The following CMIP variants were observed in gnomAD, a reference collection of about 807,000 sequenced individuals.
CMIP encodes the protein c-Maf inducing protein, also known as C-Maf-inducing protein.
Under a neutral mutation model 97.3 loss-of-function variants are expected in CMIP, and 13 were observed. The observed-to-expected ratio is 0.13, with a 90% CI of 0.09 to 0.21. The LOEUF is 0.21. Ranked by LOEUF, CMIP falls within the 10% of genes least tolerant of loss-of-function variation. CMIP has a pLI of 1.00. For missense variants in CMIP, 847 were observed against 1,024.9 expected, an observed-to-expected ratio of 0.83 and a Z score of 2.37; for synonymous variants, 538 against 436.3, an observed-to-expected ratio of 1.23 and a Z score of -2.91.
rs1012230722 is a variant in CMIP, at chr16:81,654,911, G to A, written c.639+2547G>A. On this transcript the variant is annotated intron_variant, in intron 4 of 20. Coordinates refer to ENST00000537098, the MANE Select transcript of CMIP (RefSeq NM_198390.3). ...GAGTGAGAAACCGTGTTGTAGGGTCGGAAGGACCTTGTCCTGCCCTCAGTA... is the reference window on the plus strand; with the variant it reads ...GAGTGAGAAACCGTGTTGTAGGGTCAGAAGGACCTTGTCCTGCCCTCAGTA... Among the ~76,000 whole-genome samples the A allele has an allele frequency of 3.3e-5, 5 of 152,158 alleles. No individual in the cohort carries two copies. The East Asian group carries it at 5.8e-4, about 18-fold the overall frequency.
chr16:81,679,369 G>A (rs376883319), intron 10 of CMIP, among the ~76,000 whole-genome samples: 9 of 152,106 alleles, frequency 5.9e-5, no homozygotes, highest in African/African-American at 1.9e-4. Flanking sequence ...AACCATTTGT[G>A]CTGTAGGGTT....
intron 1 of CMIP, among the ~76,000 whole-genome samples, chr16:81,445,912 A>G (rs1905806538): frequency 1.3e-5 from 2 of 150,398 alleles, no homozygotes; most frequent in Non-Finnish European, 3.0e-5. Context: ...CCCCTGGCCC[A>G]TCTGGATCTG....
intron 1 of CMIP, among the ~76,000 whole-genome samples, chr16:81,524,123 G>C (rs1208915142): frequency 6.6e-6 from 1 of 152,208 alleles, no homozygotes; most frequent in Non-Finnish European, 1.5e-5. Flanking sequence ...GAGGTGCTAG[G>C]CTTGTCACAG....
intron 1 of CMIP, among the ~76,000 whole-genome samples, chr16:81,569,260 G>T (rs1474457959): frequency 6.6e-6 from 1 of 152,192 alleles, no homozygotes; most frequent in Non-Finnish European, 1.5e-5. Context: ...TATACATACT[G>T]TCTCATTCTG....
intron 1 of CMIP, among the ~76,000 whole-genome samples, chr16:81,511,729 T>C (rs2089814070): frequency 6.6e-6 from 1 of 152,090 alleles, no homozygotes; most frequent in Admixed American, 6.5e-5. Flanking sequence ...CCTGCCTAAT[T>C]TTTTGTATGT....
At chr16:81,541,389 A>G (rs553666056) in intron 1 of CMIP, among the ~76,000 whole-genome samples, 1 of 152,040 alleles carries the variant, frequency 6.6e-6, no homozygotes, top group Non-Finnish European at 1.5e-5. Flanking sequence ...GAGCCGTGTA[A>G]CCTGTAACTT....
At chr16:81,536,052 T>C (rs183807474) in intron 1 of CMIP, among the ~76,000 whole-genome samples, 6 of 152,282 alleles carry the variant, frequency 3.9e-5, no homozygotes, top group Middle Eastern at 3.4e-3. Context: ...GTTTGCAGTG[T>C]AAACTCATAA....
At chr16:81,668,297 G>C (rs1384739114) in intron 7 of CMIP, among the ~76,000 whole-genome samples, 1 of 152,164 alleles carries the variant, frequency 6.6e-6, no homozygotes, top group African/African-American at 2.4e-5. Context: ...AGCCCGAGGG[G>C]CTGGCAGTCC....
chr16:81,590,252 CCTACCTCCCATTCCTTCG>C (rs1444919965), intron 1 of CMIP, among the ~76,000 whole-genome samples: 2 of 122,702 alleles, frequency 1.6e-5, no homozygotes, highest in Non-Finnish European at 3.5e-5. Flanking sequence ...CCATTCCTTC[CCTACCTCCCATTCCTTCG>C]TCTCAACCTC....
intron 10 of CMIP, among the ~76,000 whole-genome samples, chr16:81,690,289 A>G (rs550620044): frequency 5.3e-5 from 8 of 152,350 alleles, no homozygotes; most frequent in African/African-American, 1.9e-4. Context: ...ATCCATGAGC[A>G]TGGAATGTTC....
chr16:81,445,595 C>G, intron 1 of CMIP, 54 bp downstream of exon 1: 2 of 1,504,654 alleles, frequency 1.3e-6, no homozygotes, highest in Non-Finnish European at 1.8e-6. Flanking sequence ...CCGAGATGCG[C>G]CCTCCCTGGC....
At chr16:81,679,347 G>A (rs187686663) in intron 10 of CMIP, among the ~76,000 whole-genome samples, 44 of 152,274 alleles carry the variant, frequency 2.9e-4, no homozygotes, top group African/African-American at 1.1e-3. Context: ...GTGGCTGCAT[G>A]CATGTGGGTG....
intron 1 of CMIP, among the ~76,000 whole-genome samples, chr16:81,589,396 C>T (rs566126019): frequency 5.3e-5 from 8 of 152,282 alleles, no homozygotes; most frequent in African/African-American, 1.9e-4. Context: ...CACACCTGGC[C>T]TTGTCTTGCT....
intron 1 of CMIP, among the ~76,000 whole-genome samples, chr16:81,561,926 G>A (rs1324903900): frequency 6.6e-6 from 1 of 152,166 alleles, no homozygotes; most frequent in African/African-American, 2.4e-5. Flanking sequence ...GGCAAGTATG[G>A]GAGTTGGGAT....
chr16:81,500,252 T>TTCCGTCCTTCCTTCCGTCCG (rs1567546061), intron 1 of CMIP, among the ~76,000 whole-genome samples: 5 of 144,076 alleles, frequency 3.5e-5, no homozygotes, highest in African/African-American at 1.3e-4. Context: ...CCTTCCTTCC[T>TTCCGTCCTTCCTTCCGTCCG]TCCGTCCTTC....
chr16:81,579,868 A>T (rs936140256), intron 1 of CMIP, among the ~76,000 whole-genome samples: 4 of 152,220 alleles, frequency 2.6e-5, no homozygotes, highest in African/African-American at 9.6e-5. Context: ...AGGCCGGAGA[A>T]TGGCGTGAAC....
At chr16:81,607,459 A>T in intron 1 of CMIP, 108 bp from the exon 2 acceptor site, 1 of 1,429,918 alleles carries the variant, frequency 7.0e-7, no homozygotes. Context: ...CACCAGCTCC[A>T]TTTGCCTGTC....
chr16:81,677,959 C>T (rs1309292327), intron 9 of CMIP, among the ~76,000 whole-genome samples: 2 of 152,240 alleles, frequency 1.3e-5, no homozygotes, highest in African/African-American at 2.4e-5. Context: ...AGCCTTATGG[C>T]TGTCACGTGA....
intron 1 of CMIP, among the ~76,000 whole-genome samples, chr16:81,584,386 G>A (rs893332259): frequency 6.6e-6 from 1 of 152,224 alleles, no homozygotes; most frequent in Non-Finnish European, 1.5e-5. Context: ...AGTCTGAAGC[G>A]TAGGAAGGAG....
Sources: gnomAD v4.1 joint callset for allele counts (sites outside exome capture counted in the v4.1 genomes callset) on GRCh38, gnomAD v4.1.1 for gene constraint, MANE v1.5 for transcripts, NCBI Gene and HGNC (gene_info 2026-07-23, HGNC 2026-07-21) for gene names.